The following IAH1 variants were observed in gnomAD, a reference collection of about 807,000 sequenced individuals.
IAH1 encodes isoamyl acetate hydrolyzing esterase 1 (putative).
IAH1 carries 24 observed loss-of-function variants against 26.7 expected under a neutral mutation model. That is an observed-to-expected ratio of 0.90 (90% CI 0.65 to 1.26). The LOEUF is 1.26. IAH1 is among the 50% of genes most tolerant of loss of function. IAH1 has a pLI of 0.00. For missense variants in IAH1, 300 were observed against 299.9 expected, an observed-to-expected ratio of 1.00 and a Z score of 0.00; for synonymous variants, 140 against 118.5, an observed-to-expected ratio of 1.18 and a Z score of -1.18.
At chr2:9,493,490 T>C (rs543133536), downstream of IAH1, among the ~76,000 whole-genome samples, 115 of 152,340 alleles carry the variant, frequency 7.5e-4, no homozygotes, top group Admixed American at 2.7e-3. Flanking sequence ...ATCACATGGA[T>C]ATTTTTGGGT....
At chr2:9,491,428 C>T (rs1296802549), downstream of IAH1, among the ~76,000 whole-genome samples, 1 of 152,180 alleles carries the variant, frequency 6.6e-6, no homozygotes, top group Non-Finnish European at 1.5e-5. Context: ...AAATTTATCC[C>T]TCTGTGGGCA....
downstream of IAH1, chr2:9,497,006 G>T: frequency 6.7e-7 from 1 of 1,502,724 alleles, no homozygotes; most frequent in Non-Finnish European, 8.9e-7. Flanking sequence ...TCCTCGGCTT[G>T]GATCTCACCA....
chr2:9,494,527 G>T, downstream of IAH1: 2 of 1,274,204 alleles, frequency 1.6e-6, no homozygotes, highest in African/African-American at 1.5e-5. Context: ...GGGCCAGAAG[G>T]ATGTAGCCCC....
the IAH1 span, chr2:9,502,417 C>T: frequency 3.0e-6 from 2 of 676,908 alleles, no homozygotes; most frequent in East Asian, 5.3e-5. Context: ...CATCATCAGA[C>T]ATCTCCGCTG....
At chr2:9,506,552 A>C in the IAH1 span, among the ~76,000 whole-genome samples, 2 of 151,778 alleles carry the variant, frequency 1.3e-5, no homozygotes, top group East Asian at 3.9e-4. Flanking sequence ...TTTTTTGTAG[A>C]AACAGGGTTT....
At position 9,478,370 on chromosome 2, in the gene IAH1, G is replaced by C. The variant is rs767374009; in HGVS notation, c.283G>C (p.Asp95His). 1 of 1,585,884 alleles carries C rather than the reference G, an allele frequency of 6.3e-7. No homozygotes were observed. Among genetic ancestry groups the C allele is most frequent in the Admixed American group, 1.8e-5 (1 of 54,898 alleles). The change falls in exon 3 of 6, where the codon GAT becomes CAT. Residue 95 changes from aspartate to histidine, a missense_variant and splice_region_variant. Coordinates refer to ENST00000497473, the MANE Select transcript of IAH1 (RefSeq NM_001039613.3). Reference sequence around the variant, plus strand: ...TGGGGCCAATGACAGTGCACTAAAAGGTAAAAGCATTTTTGATGTTCTTCT... The same window carrying C: ...TGGGGCCAATGACAGTGCACTAAAACGTAAAAGCATTTTTGATGTTCTTCT... ...FFGANDSALK[D>H]ENPKQHIPLE...
At chr2:9,510,383 G>A in the IAH1 span, among the ~76,000 whole-genome samples, 1 of 152,064 alleles carries the variant, frequency 6.6e-6, no homozygotes, top group Non-Finnish European at 1.5e-5. Flanking sequence ...TTAACCAGGT[G>A]GGCTAGGCAT....
chr2:9,481,141 G>A, intron 3 of IAH1, 145 bp from the exon 4 acceptor site: 1 of 844,134 alleles, frequency 1.2e-6, no homozygotes, highest in Non-Finnish European at 1.8e-6. Flanking sequence ...AATTCATAAG[G>A]AGAAAACCTT....
downstream of IAH1, chr2:9,490,506 G>T: frequency 6.2e-7 from 1 of 1,611,210 alleles, no homozygotes; most frequent in Non-Finnish European, 8.5e-7. Context: ...ATGCTGCTCA[G>T]CATTTCGACG....
At chr2:9,482,069 TCAGC>T (rs899581148) in intron 4 of IAH1, among the ~76,000 whole-genome samples, 1 of 149,806 alleles carries the variant, frequency 6.7e-6, no homozygotes, top group Non-Finnish European at 1.5e-5. Context: ...TCTGGCTCTG[TCAGC>T]CAGGCTGGAG....
chr2:9,474,396 A>C, upstream of IAH1: 1 of 428,288 alleles, frequency 2.3e-6, no homozygotes, highest in Middle Eastern at 6.3e-4. The surrounding 1 kb of genome is among the most constrained non-coding windows in gnomAD (Gnocchi z 4.3). Flanking sequence ...GTGGGTGAGC[A>C]AGCGCGGAGG....
At chr2:9,495,550 TA>T (rs1662509132) in intron 6 of IAH1, among the ~76,000 whole-genome samples, 1 of 151,870 alleles carries the variant, frequency 6.6e-6, no homozygotes, top group East Asian at 1.9e-4. Flanking sequence ...CCATCTCTAC[TA>T]AAAATAAAAA....
At chr2:9,501,149 C>G (rs1470387158), downstream of IAH1, among the ~76,000 whole-genome samples, 4 of 151,848 alleles carry the variant, frequency 2.6e-5, no homozygotes, top group African/African-American at 9.7e-5. Context: ...AAAAATGAAC[C>G]AAATATATGA....
intron 3 of IAH1, among the ~76,000 whole-genome samples, chr2:9,479,115 A>G (rs1661002224): frequency 6.6e-6 from 1 of 152,222 alleles, no homozygotes; most frequent in African/African-American, 2.4e-5. Flanking sequence ...GCTCTCTAGG[A>G]GAAAGATTAC....
chr2:9,474,754 C>A lies in IAH1; in HGVS notation c.81+107C>A. Reference sequence around the variant, plus strand: ...CTCTTCGGCGCCCGAGACGGCTGGGCCGGAGGCCTGGCCACGCCCGTGGAG... The same window carrying A: ...CTCTTCGGCGCCCGAGACGGCTGGGACGGAGGCCTGGCCACGCCCGTGGAG... On this transcript the variant is annotated intron_variant, in intron 1 of 5. Coordinates refer to ENST00000497473, the MANE Select transcript of IAH1 (RefSeq NM_001039613.3). The surrounding 1 kb of genome is among the most constrained non-coding windows in gnomAD (Gnocchi z 4.3). 1.2e-6 allele frequency: 1 copy of A among 866,054 alleles called. No homozygotes were observed. Among genetic ancestry groups the A allele is most frequent in the Non-Finnish European group, 1.7e-6 (1 of 601,060 alleles). 53.6% of individuals were successfully genotyped at this position (866,054 alleles called of 1,614,324 possible). A position where few individuals can be genotyped will look rare whatever the true frequency, so the allele number is the denominator to read the frequency against.
downstream of IAH1, among the ~76,000 whole-genome samples, chr2:9,497,649 C>T (rs1323381921): frequency 6.6e-6 from 1 of 152,244 alleles, no homozygotes; most frequent in Non-Finnish European, 1.5e-5. Context: ...CAGCCCACTG[C>T]TTTGGCTATG....
At position 9,484,475 on chromosome 2, in the gene IAH1, C is replaced by T. The variant is rs761586934; in HGVS notation, c.489C>T (p.Ala163=). 144 of 1,614,012 alleles carry T rather than the reference C, an allele frequency of 8.9e-5. No individual in the cohort carries two copies. The highest frequency in any genetic ancestry group is 1.1e-4 in the Non-Finnish European group (134 of 1,180,038). ...NRLNSVVGEY[A]NACLQVAQDC... Reference sequence around the variant, plus strand: ...TGAACTCTGTTGTTGGTGAATATGCCAATGCGTGTTTACAAGTGGCCCAAG... The same window carrying T: ...TGAACTCTGTTGTTGGTGAATATGCTAATGCGTGTTTACAAGTGGCCCAAG... Residue 163 remains alanine, a synonymous_variant, in exon 5 of 6, where the codon GCC becomes GCT. Coordinates refer to ENST00000497473, the MANE Select transcript of IAH1 (RefSeq NM_001039613.3).
chr2:9,485,051 C>T (rs1385478821), intron 5 of IAH1: 1 of 154,158 alleles, frequency 6.5e-6, no homozygotes, highest in Non-Finnish European at 1.4e-5. Flanking sequence ...GTCACACATA[C>T]ACTTAGGGAG....
chr2:9,480,661 T>G (rs2124910168), intron 3 of IAH1, among the ~76,000 whole-genome samples: 1 of 152,320 alleles, frequency 6.6e-6, no homozygotes, highest in South Asian at 2.1e-4. Context: ...CATTGGTGAC[T>G]TTTTTCCTTT....
Sources: allele counts gnomAD v4.1 joint callset (sites outside exome capture counted in the v4.1 genomes callset), GRCh38; gene constraint gnomAD v4.1.1; non-coding constraint Gnocchi (gnomAD v3.1); transcripts MANE v1.5; gene names NCBI Gene and HGNC (gene_info 2026-07-23, HGNC 2026-07-21).